Variants in ADTRP observed in about 807,000 individuals in gnomAD.
ADTRP encodes the protein androgen-dependent TFPI-regulating protein.
A neutral mutation model predicts 27.0 loss-of-function variants in ADTRP; 20 were observed. The ratio of observed to expected loss-of-function variants is 0.74; its 90% confidence interval spans 0.52 to 1.08. The LOEUF (loss-of-function observed/expected upper bound fraction) is 1.08, where lower values mean the gene tolerates loss of function less well. ADTRP is among the 50% of genes least tolerant of loss of function. The pLI is 0.00. For missense variants in ADTRP, 251 were observed against 275.0 expected, an observed-to-expected ratio of 0.91 and a Z score of 0.62; for synonymous variants, 101 against 105.2, an observed-to-expected ratio of 0.96 and a Z score of 0.25.
chr6:11,756,036 C>T (rs112302992), intron 3 of ADTRP, among the ~76,000 whole-genome samples: 4,875 of 152,278 alleles, frequency 0.032, 295 homozygotes, highest in African/African-American at 0.11. Context: ...TTCTCTTTCT[C>T]ATGTAGACCT....
intron 3 of ADTRP, among the ~76,000 whole-genome samples, chr6:11,739,607 C>G (rs1581333319): frequency 6.6e-6 from 1 of 152,178 alleles, no homozygotes; most frequent in East Asian, 1.9e-4. Flanking sequence ...GATTTACCAG[C>G]CCATGGAAAA....
chr6:11,717,461 G>A, intron 5 of ADTRP: 1 of 1,296,786 alleles, frequency 7.7e-7, no homozygotes, highest in Non-Finnish European at 1.0e-6. Context: ...CATCACCATA[G>A]ATACCATATA....
chr6:11,720,391 C>T (rs1329007463), intron 5 of ADTRP, among the ~76,000 whole-genome samples: 1 of 152,086 alleles, frequency 6.6e-6, no homozygotes, highest in African/African-American at 2.4e-5. Context: ...GGTCACTCTA[C>T]TTAGAGGCTG....
At chr6:11,767,418 A>G (rs1360059008) in intron 2 of ADTRP, among the ~76,000 whole-genome samples, 1 of 152,202 alleles carries the variant, frequency 6.6e-6, no homozygotes, top group East Asian at 1.9e-4. Context: ...CTGCAAAGTA[A>G]TAGGTATCCT....
In ADTRP at chr6:11,714,302, A is replaced by G; in HGVS notation, c.*176T>C. 1 of 680,942 alleles carries G rather than the reference A, an allele frequency of 1.5e-6. No homozygotes were observed. Among genetic ancestry groups the G allele is most frequent in the Non-Finnish European group, 2.4e-6 (1 of 411,286 alleles). 42.2% of individuals were successfully genotyped at this position (680,942 alleles called of 1,614,324 possible). A position where few individuals can be genotyped will look rare whatever the true frequency, so the allele number is the denominator to read the frequency against. ...TGTGCAGTCAACCTTTCAAAAAACC[A>G]AGAGTTCTCAAGTTAAGCTACCTTC... On this transcript the variant is annotated 3_prime_UTR_variant, in exon 6 of 6. Transcript: ENST00000414691.
Position 11,723,637 on chromosome 6 carries a change from T to C in ADTRP, c.507-137A>G, listed in dbSNP as rs1030589733. On this transcript the variant is annotated intron_variant, in intron 4 of 5. Transcript: ENST00000414691. ...GGACGTTTGTCAACAGCTGTAGTAT[T>C]CCCACAAACCTAAAGAAGTGAGGCT... 4 of 967,698 alleles carry C rather than the reference T, an allele frequency of 4.1e-6. No homozygotes were observed. The African/African-American group carries it at 6.6e-5, about 16-fold the overall frequency. 59.9% of individuals were successfully genotyped at this position (967,698 alleles called of 1,614,324 possible).
chr6:11,763,580 CAT>C lies in ADTRP; in HGVS notation c.390+2692_390+2693del, dbSNP rs1763459714. On this transcript the variant is annotated intron_variant, in intron 3 of 5. Transcript: ENST00000414691. Reference sequence around the variant, plus strand: ...GACTGCCCGTCATTACTCTGGCTGCCATAGTGGTGATTTCCCAGAATTGTATT... The same window carrying C: ...GACTGCCCGTCATTACTCTGGCTGCCAGTGGTGATTTCCCAGAATTGTATT... Among the ~76,000 whole-genome samples, 2 of 152,184 alleles carry C rather than the reference CAT, an allele frequency of 1.3e-5. 1 individual carries two copies. The highest frequency in any genetic ancestry group is 4.2e-4 in the South Asian group (2 of 4,814).
At chr6:11,723,145 G>C (rs933419593) in intron 5 of ADTRP, among the ~76,000 whole-genome samples, 1 of 152,116 alleles carries the variant, frequency 6.6e-6, no homozygotes, top group South Asian at 2.1e-4. Flanking sequence ...TCCTTTGATG[G>C]GGTCCTTTAA....
chr6:11,737,672 G>T (rs1469893033), intron 3 of ADTRP, among the ~76,000 whole-genome samples: 1 of 152,202 alleles, frequency 6.6e-6, no homozygotes, highest in Non-Finnish European at 1.5e-5. Context: ...CTCTCAGGGT[G>T]CCCCAGTTAA....
At position 11,768,360 on chromosome 6, in the gene ADTRP, C is replaced by G. The variant is rs531232448; in HGVS notation, c.177G>C (p.Gly59=). The G allele has an allele frequency of 2.1e-4, 340 of 1,614,096 alleles. 2 individuals are homozygous for G. In the South Asian group the frequency reaches 3.6e-3, roughly 17 times the overall value. Reference sequence around the variant, plus strand: ...TCAGCACATCATCCAGGCAGGTGACCCCGTAGAAAATGGTCTGCAAGAGCT... The same window carrying G: ...TCAGCACATCATCCAGGCAGGTGACGCCGTAGAAAATGGTCTGCAAGAGCT... The part of the protein sequence containing the change: ...LNLLLQTIFY[G]VTCLDDVLKR... The change falls in exon 2 of 6, where the codon GGG becomes GGC. Residue 59 remains glycine, a synonymous_variant. Coordinates refer to ENST00000414691, the MANE Select transcript of ADTRP (RefSeq NM_032744.4).
chr6:11,716,719 C>CTTTCTCTTT (rs1554110532), intron 5 of ADTRP, among the ~76,000 whole-genome samples: 3 of 125,412 alleles, frequency 2.4e-5, no homozygotes, highest in Non-Finnish European at 4.9e-5. Context: ...TTTTCTTTTT[C>CTTTCTCTTT]TTTTTTTTTT....
intron 2 of ADTRP, among the ~76,000 whole-genome samples, chr6:11,767,076 A>G (rs1763596165): frequency 6.6e-6 from 1 of 152,260 alleles, no homozygotes; most frequent in Admixed American, 6.5e-5. Context: ...TGTTGATTTT[A>G]AAAACTTGGC....
intron 1 of ADTRP, among the ~76,000 whole-genome samples, chr6:11,772,284 C>T (rs1763809501): frequency 6.6e-6 from 1 of 152,152 alleles, no homozygotes; most frequent in South Asian, 2.1e-4. Context: ...TGCTAGCTGA[C>T]AAACTAACAC....
At chr6:11,731,066 G>A (rs928165964) in intron 4 of ADTRP, among the ~76,000 whole-genome samples, 1 of 152,204 alleles carries the variant, frequency 6.6e-6, no homozygotes, top group Non-Finnish European at 1.5e-5. Flanking sequence ...TAAGAACAAT[G>A]CTCAGAACAG....
rs911284628 is a variant in ADTRP at position 11,778,534 on chromosome 6, A to G, written c.153+73T>C. On this transcript the variant is annotated intron_variant, in intron 1 of 5. Coordinates refer to ENST00000414691, the MANE Select transcript of ADTRP (RefSeq NM_032744.4). ...CAAAATTGTGTATTTAATAAAATCC[A>G]AAGATGATATGTGTGGCAGCACTGA... 2.7e-6 allele frequency: 4 copies of G among 1,481,370 alleles called. No homozygotes were observed. In the African/African-American group the frequency reaches 4.2e-5, roughly 16 times the overall value. The allele number at this position is 1,481,370 out of a possible 1,614,324, so 91.8% of individuals were successfully genotyped here. A position where few individuals can be genotyped will look rare whatever the true frequency, so the allele number is the denominator to read the frequency against.
At chr6:11,771,265 T>C (rs1054919483) in intron 1 of ADTRP, among the ~76,000 whole-genome samples, 14 of 152,210 alleles carry the variant, frequency 9.2e-5, no homozygotes, top group African/African-American at 3.4e-4. Flanking sequence ...GCCCACGGTG[T>C]GTGCCAGGCA....
At chr6:11,744,658 A>G (rs1762813772) in intron 3 of ADTRP, among the ~76,000 whole-genome samples, 1 of 152,140 alleles carries the variant, frequency 6.6e-6, no homozygotes, top group Non-Finnish European at 1.5e-5. Flanking sequence ...TCAATCTGTA[A>G]TTCACCCTCC....
At chr6:11,732,923 T>C (rs1459577843) in intron 4 of ADTRP, among the ~76,000 whole-genome samples, 1 of 152,236 alleles carries the variant, frequency 6.6e-6, no homozygotes, top group Non-Finnish European at 1.5e-5. Context: ...ACACTGGGAA[T>C]TGAACAAATA....
intron 4 of ADTRP, among the ~76,000 whole-genome samples, chr6:11,733,282 T>G (rs895660810): frequency 6.6e-6 from 1 of 152,240 alleles, no homozygotes; most frequent in African/African-American, 2.4e-5. Flanking sequence ...ATCAGCTTTC[T>G]TACATAAACC....
Sources: allele counts gnomAD v4.1 joint callset (sites outside exome capture counted in the v4.1 genomes callset), GRCh38; gene constraint gnomAD v4.1.1; transcripts MANE v1.5; gene names NCBI Gene and HGNC (gene_info 2026-07-23, HGNC 2026-07-21).